The following ST6GAL1 variants were observed in gnomAD, a reference collection of about 807,000 sequenced individuals.
The protein encoded by ST6GAL1 is beta-galactoside alpha-2,6-sialyltransferase 1.
In ST6GAL1, 20 loss-of-function variants were observed where a neutral mutation model predicts 38.0. That is an observed-to-expected ratio of 0.53 (90% CI 0.37 to 0.77). The LOEUF is 0.77. Ranked by LOEUF, ST6GAL1 falls within the 30% of genes least tolerant of loss-of-function variation. The probability of loss-of-function intolerance (pLI) is 0.00; values close to 1 mark genes in which losing one functional copy is unlikely to be tolerated. For synonymous variants in ST6GAL1, 196 were observed against 188.2 expected (o/e 1.04, Z -0.34); for missense variants, 432 against 496.4 (o/e 0.87, Z 1.23).
In ST6GAL1 at chr3:186,939,749, C is replaced by T. The variant is rs368062103; in HGVS notation, c.-325+8915C>T. Among the ~76,000 whole-genome samples, 12 of 152,278 alleles carry T rather than the reference C, an allele frequency of 7.9e-5. No homozygotes were observed. The East Asian group carries it at 1.7e-3, about 22-fold the overall frequency. ...GGAGCGTTGCTGCCGGTCTCTCATGCCGAAGATGTGGTGGTAGCTCAGATG... is the reference window on the plus strand; with the variant it reads ...GGAGCGTTGCTGCCGGTCTCTCATGTCGAAGATGTGGTGGTAGCTCAGATG... On this transcript the variant is annotated intron_variant, in intron 1 of 7. Transcript: ENST00000169298.
chr3:187,050,617 A>G (rs931423636), intron 4 of ST6GAL1, among the ~76,000 whole-genome samples: 2 of 151,878 alleles, frequency 1.3e-5, no homozygotes, highest in African/African-American at 2.4e-5. Context: ...GAAGGAAGGA[A>G]GGAAAAGAGA....
chr3:186,971,664 C>T (rs1715354329), intron 2 of ST6GAL1, among the ~76,000 whole-genome samples: 1 of 152,204 alleles, frequency 6.6e-6, no homozygotes, highest in South Asian at 2.1e-4. Context: ...AGTCATTGTC[C>T]TGGGTAGCCC....
At chr3:187,049,555 C>CCCTCCTCAGCTCAGGGTCT (rs1718439089) in intron 4 of ST6GAL1, among the ~76,000 whole-genome samples, 1 of 152,224 alleles carries the variant, frequency 6.6e-6, no homozygotes, top group Non-Finnish European at 1.5e-5. Context: ...CGACAGGTGT[C>CCCTCCTCAGCTCAGGGTCT]CCTCCTCAGC....
intron 1 of ST6GAL1, among the ~76,000 whole-genome samples, chr3:186,960,625 G>A (rs1714900545): frequency 6.6e-6 from 1 of 151,940 alleles, no homozygotes. Context: ...GCAGTGCTGA[G>A]TATGGTGATA....
intron 2 of ST6GAL1, among the ~76,000 whole-genome samples, chr3:186,996,849 G>A (rs1488446178): frequency 2.0e-5 from 3 of 151,682 alleles, no homozygotes; most frequent in African/African-American, 2.4e-5. Flanking sequence ...CGTGTCCCCC[G>A]CTTCTTGCCC....
chr3:186,932,075 G>A (rs900106003), intron 1 of ST6GAL1, among the ~76,000 whole-genome samples: 17 of 152,260 alleles, frequency 1.1e-4, no homozygotes, highest in Admixed American at 7.9e-4. Context: ...CCGCCCCAGT[G>A]TGTGCCTGCT....
intron 1 of ST6GAL1, among the ~76,000 whole-genome samples, chr3:186,955,946 T>C (rs1354815529): frequency 3.9e-5 from 6 of 152,170 alleles, no homozygotes; most frequent in Admixed American, 6.5e-5. Flanking sequence ...GCTCTCTGCT[T>C]GTGTTTTGCT....
At chr3:187,040,810 A>G (rs1038987532) in intron 3 of ST6GAL1, among the ~76,000 whole-genome samples, 1 of 152,220 alleles carries the variant, frequency 6.6e-6, no homozygotes, top group Non-Finnish European at 1.5e-5. Flanking sequence ...TCCACTGTGT[A>G]CATTTAATCA....
intron 2 of ST6GAL1, among the ~76,000 whole-genome samples, chr3:186,995,539 AAAG>A (rs1364848518): frequency 1.3e-5 from 2 of 149,812 alleles, no homozygotes; most frequent in Admixed American, 1.3e-4. Context: ...AAAAAAAAAT[AAAG>A]AAATTGTTAA....
At chr3:186,981,533 G>A (rs1715698892) in intron 2 of ST6GAL1, among the ~76,000 whole-genome samples, 1 of 152,188 alleles carries the variant, frequency 6.6e-6, no homozygotes, top group African/African-American at 2.4e-5. Flanking sequence ...TAGCTTCAGA[G>A]CATCTAGATC....
chr3:186,986,857 A>G (rs1040690507), intron 2 of ST6GAL1: 1 of 152,184 alleles, frequency 6.6e-6, no homozygotes, highest in African/African-American at 2.4e-5. Flanking sequence ...TTGAATTTAA[A>G]TGATCTAAGG....
At chr3:187,070,475 A>G (rs1215294455) in intron 5 of ST6GAL1, among the ~76,000 whole-genome samples, 2 of 128,084 alleles carry the variant, frequency 1.6e-5, no homozygotes, top group Non-Finnish European at 3.1e-5. Flanking sequence ...GCCAGGCTGG[A>G]GTGCAGTGGT....
At chr3:187,074,898 A>T (rs1432078749) in intron 7 of ST6GAL1, among the ~76,000 whole-genome samples, 1 of 152,198 alleles carries the variant, frequency 6.6e-6, no homozygotes, top group African/African-American at 2.4e-5. Flanking sequence ...AAAAATTATG[A>T]TGAGTGAAAT....
At chr3:187,037,204 A>G (rs894101638) in intron 2 of ST6GAL1, among the ~76,000 whole-genome samples, 3 of 152,312 alleles carry the variant, frequency 2.0e-5, no homozygotes, top group Non-Finnish European at 4.4e-5. Flanking sequence ...CGATTTAATT[A>G]TAATCTGTCC....
chr3:186,951,186 G>A (rs1714564413), intron 1 of ST6GAL1, among the ~76,000 whole-genome samples: 1 of 152,122 alleles, frequency 6.6e-6, no homozygotes, highest in South Asian at 2.1e-4. Flanking sequence ...CGATTCTCCT[G>A]CCTCAGCTTC....
At chr3:186,969,698 C>T (rs750126495) in intron 2 of ST6GAL1, among the ~76,000 whole-genome samples, 5 of 152,150 alleles carry the variant, frequency 3.3e-5, no homozygotes, top group Non-Finnish European at 5.9e-5. Flanking sequence ...ACAGGAAGTG[C>T]AGAGGAAGAG....
intron 2 of ST6GAL1, among the ~76,000 whole-genome samples, chr3:187,035,392 G>GA (rs1280033703): frequency 1.3e-5 from 2 of 152,106 alleles, no homozygotes; most frequent in African/African-American, 2.4e-5. Context: ...CACAGAACTA[G>GA]AAAAAACCTA....
chr3:187,034,864 TCAC>T (rs1717875188), intron 2 of ST6GAL1, among the ~76,000 whole-genome samples: 2 of 152,152 alleles, frequency 1.3e-5, no homozygotes, highest in Non-Finnish European at 2.9e-5. Flanking sequence ...ATGCCCACTC[TCAC>T]CACTTCTATT....
At chr3:186,938,529 G>C (rs113988228) in intron 1 of ST6GAL1, among the ~76,000 whole-genome samples, 57 of 152,200 alleles carry the variant, frequency 3.7e-4, no homozygotes, top group African/African-American at 1.4e-3. Flanking sequence ...TTCACAAGCC[G>C]CACACTTTTG....
Sources: allele counts gnomAD v4.1 joint callset (sites outside exome capture counted in the v4.1 genomes callset), GRCh38; gene constraint gnomAD v4.1.1; transcripts MANE v1.5; gene names NCBI Gene and HGNC (gene_info 2026-07-23, HGNC 2026-07-21).